The following PKN2 variants were observed in gnomAD, a reference collection of about 807,000 sequenced individuals.
The protein encoded by PKN2 is protein kinase N2, also known as serine/threonine-protein kinase N2.
PKN2 carries 38 observed loss-of-function variants against 119.1 expected under a neutral mutation model. The observed-to-expected ratio is 0.32, with a 90% CI of 0.25 to 0.42. The LOEUF is 0.42. PKN2 is among the 10% of genes least tolerant of loss of function. The pLI is 1.00. For missense variants in PKN2, 850 were observed against 1,165.1 expected (o/e 0.73, Z 3.94); for synonymous variants, 390 against 384.9 (o/e 1.01, Z -0.15).
chr1:88,710,922 G>C (rs1412341104), intron 1 of PKN2, among the ~76,000 whole-genome samples: 2 of 152,136 alleles, frequency 1.3e-5, no homozygotes, highest in East Asian at 3.8e-4. Context: ...TAATAGACTG[G>C]ATACAGGAAA....
intron 6 of PKN2, chr1:88,781,053 C>T: frequency 9.5e-7 from 1 of 1,052,108 alleles, no homozygotes; most frequent in South Asian, 1.9e-5. Context: ...TTAAAAAATT[C>T]TTTAAGCTCC....
intron 6 of PKN2, among the ~76,000 whole-genome samples, chr1:88,782,941 A>G (rs766539098): frequency 7.2e-5 from 11 of 152,354 alleles, no homozygotes; most frequent in African/African-American, 2.4e-4. Flanking sequence ...CTTGGAAACA[A>G]TATGACCCTT....
At position 88,828,604 on chromosome 1, in the gene PKN2, A is replaced by G; in HGVS notation, c.2543A>G (p.Tyr848Cys). 1 of 1,612,566 alleles carries G rather than the reference A, an allele frequency of 6.2e-7. No individual in the cohort carries two copies. The highest frequency in any genetic ancestry group is 1.3e-5 in the African/African-American group (1 of 75,044). Reference protein sequence around the residue: ...VDWWGLGVLIYEMLVGESPFP... With the variant: ...VDWWGLGVLICEMLVGESPFP... ...TGGTGGGGCCTTGGCGTGCTTATAT[A>G]TGAAATGCTTGTTGGTGAGGTAAGC... The change falls in exon 19 of 22, where the codon TAT (tyrosine) becomes TGT (cysteine). Residue 848 changes from tyrosine to cysteine, a missense_variant. Coordinates refer to ENST00000370521, the MANE Select transcript of PKN2 (RefSeq NM_006256.4).
intron 1 of PKN2, among the ~76,000 whole-genome samples, chr1:88,702,147 T>G (rs1250262177): frequency 6.6e-6 from 1 of 152,042 alleles, no homozygotes; most frequent in Non-Finnish European, 1.5e-5. Context: ...TCAGTAGAGA[T>G]AGGGTTTCAC....
At chr1:88,774,665 T>C (rs1312847976) in intron 6 of PKN2, among the ~76,000 whole-genome samples, 1 of 152,106 alleles carries the variant, frequency 6.6e-6, no homozygotes, top group African/African-American at 2.4e-5. Context: ...CTCTGAGTTC[T>C]AGTACTACCT....
At chr1:88,781,912 GAT>G (rs772492911) in intron 6 of PKN2, among the ~76,000 whole-genome samples, 2 of 152,146 alleles carry the variant, frequency 1.3e-5, no homozygotes, top group East Asian at 3.9e-4. Flanking sequence ...TGTACAGTAA[GAT>G]AAGATTTCCA....
At chr1:88,737,947 G>C (rs1668422052) in intron 1 of PKN2, among the ~76,000 whole-genome samples, 2 of 152,102 alleles carry the variant, frequency 1.3e-5, no homozygotes, top group Non-Finnish European at 2.9e-5. Flanking sequence ...CTCTGATCTG[G>C]TTCCTTGGCT....
In PKN2 at chr1:88,796,888, A is replaced by G. The variant is rs1399546758; in HGVS notation, c.1282-7503A>G. 2.0e-5 allele frequency among the ~76,000 whole-genome samples: 3 copies of G among 152,250 alleles called. No individual in the cohort carries two copies. In the East Asian group the frequency reaches 5.8e-4, roughly 29 times the overall value. ...TATTCACTAAGTATTAATGGGATGA[A>G]TGAAAATAATTAAAACTGAAAAGGA... is the stretch of plus-strand genomic sequence containing the variant. On this transcript the variant is annotated intron_variant, in intron 8 of 21. Transcript: ENST00000370521.
rs1672192358 is a variant in PKN2 at position 88,820,180 on chromosome 1, CTATATATATATATATATATATATATAT to C, written c.2280-1760_2280-1734del. On this transcript the variant is annotated intron_variant, in intron 16 of 21. Coordinates refer to ENST00000370521, the MANE Select transcript of PKN2 (RefSeq NM_006256.4). ...AAATCAAACAAATCTTTTCAGAAAC[CTATATATATATATATATATATATATAT>C]ATATATATATATATATATATATATA... Among the ~76,000 whole-genome samples, 4 of 70,740 alleles carry C rather than the reference CTATATATATATATATATATATATATAT, an allele frequency of 5.7e-5. No homozygotes were observed. In the South Asian group the frequency reaches 2.1e-3, roughly 37 times the overall value. The allele number at this position is 70,740 out of a possible 152,430, so 46.4% of individuals were successfully genotyped here.
At position 88,760,379 on chromosome 1, in the gene PKN2, A is replaced by G; in HGVS notation, c.504+3A>G. The stretch of plus-strand genomic sequence containing the variant: ...TGTATTCAAATGGATCTTCAAAGGT[A>G]AGTGTAGTTAATAAATGTAACTATA... On this transcript the variant is annotated splice_donor_region_variant and intron_variant, in intron 3 of 21. Transcript: ENST00000370521. The G allele has an allele frequency of 6.8e-7, 1 of 1,465,230 alleles. No homozygotes were observed. Among genetic ancestry groups the G allele is most frequent in the Non-Finnish European group, 9.4e-7 (1 of 1,068,346 alleles). The allele number at this position is 1,465,230 out of a possible 1,614,324, so 90.8% of individuals were successfully genotyped here.
chr1:88,805,421 A>G (rs1181864478), intron 10 of PKN2, 76 bp from the exon 11 acceptor site: 63 of 1,266,930 alleles, frequency 5.0e-5, no homozygotes, highest in Non-Finnish European at 6.3e-5. Flanking sequence ...ACTAATGGAT[A>G]AGAATTTTTA....
chr1:88,805,440 C>A, intron 10 of PKN2, 57 bp from the exon 11 acceptor site: 1 of 1,371,094 alleles, frequency 7.3e-7, no homozygotes, highest in Non-Finnish European at 9.9e-7. Context: ...TAAATTATGA[C>A]TTTTGGTTAT....
At chr1:88,794,961 C>G (rs1671002728) in intron 8 of PKN2, among the ~76,000 whole-genome samples, 1 of 152,154 alleles carries the variant, frequency 6.6e-6, no homozygotes, top group Admixed American at 6.5e-5. Context: ...TGCTTCTCTG[C>G]TCTATATCCT....
At chr1:88,690,933 G>GA (rs1382433921) in intron 1 of PKN2, among the ~76,000 whole-genome samples, 2 of 152,144 alleles carry the variant, frequency 1.3e-5, no homozygotes, top group Admixed American at 6.5e-5. Flanking sequence ...TCAAATTGGT[G>GA]AAAGTTTTAC....
chr1:88,821,919 G>A (rs1344425693), intron 16 of PKN2, 22 bp from the exon 17 acceptor site: 2 of 1,543,158 alleles, frequency 1.3e-6, no homozygotes, highest in East Asian at 4.7e-5. Context: ...TTAAACTCCT[G>A]TTGATTTAAT....
chr1:88,760,098 T>C, intron 2 of PKN2, 124 bp from the exon 3 acceptor site: 1 of 579,982 alleles, frequency 1.7e-6, no homozygotes, highest in South Asian at 2.2e-5. Context: ...TCTATAAGTA[T>C]AAGGAGATTT....
chr1:88,781,604 A>G (rs945083910), intron 6 of PKN2, among the ~76,000 whole-genome samples: 23 of 152,070 alleles, frequency 1.5e-4, no homozygotes, highest in African/African-American at 3.9e-4. Flanking sequence ...TTTATATGCA[A>G]TTGTGTCACC....
chr1:88,807,277 A>G, intron 12 of PKN2, 36 bp from the exon 13 acceptor site: 1 of 1,317,070 alleles, frequency 7.6e-7, no homozygotes, highest in Non-Finnish European at 1.0e-6. Flanking sequence ...TTTTCTGGGT[A>G]TTTCTATGGA....
chr1:88,716,025 A>C (rs11803500), intron 1 of PKN2, among the ~76,000 whole-genome samples: 10,230 of 152,168 alleles, frequency 0.067, 704 homozygotes, highest in African/African-American at 0.18. Context: ...TAACTTGTTT[A>C]TTTCTACCTT....
Sources: gnomAD v4.1 joint callset for allele counts (sites outside exome capture counted in the v4.1 genomes callset) on GRCh38, gnomAD v4.1.1 for gene constraint, MANE v1.5 for transcripts, NCBI Gene and HGNC (gene_info 2026-07-23, HGNC 2026-07-21) for gene names.